MCPH1: variants seen among roughly 807,000 people sequenced by gnomAD.
MCPH1 encodes the protein microcephalin.
MCPH1 carries 104 observed loss-of-function variants against 84.5 expected under a neutral mutation model. The ratio of observed to expected loss-of-function variants is 1.23; its 90% CI spans 1.05 to 1.45. The LOEUF (loss-of-function observed/expected upper bound fraction) is 1.45. Ranked by LOEUF, MCPH1 falls within the 40% of genes most tolerant of loss-of-function variation. MCPH1 has a pLI of 0.00. For synonymous variants in MCPH1, 514 were observed against 366.8 expected, an observed-to-expected ratio of 1.40 and a Z score of -4.58; for missense variants, 1,498 against 1,005.7, an observed-to-expected ratio of 1.49 and a Z score of -6.62.
At chr8:6,438,168 A>G (rs1447674825) in intron 5 of MCPH1, among the ~76,000 whole-genome samples, 2 of 152,214 alleles carry the variant, frequency 1.3e-5, no homozygotes, top group Non-Finnish European at 2.9e-5. Flanking sequence ...GTGACAGTGT[A>G]TTTGAAAATA....
At chr8:6,577,951 G>T (rs1240625252) in intron 12 of MCPH1, among the ~76,000 whole-genome samples, 1 of 152,200 alleles carries the variant, frequency 6.6e-6, no homozygotes, top group East Asian at 1.9e-4. Flanking sequence ...GTCTGTGGGG[G>T]TAGGTCCTCT....
At chr8:6,563,941 G>A in intron 12 of MCPH1, among the ~76,000 whole-genome samples, 1 of 148,678 alleles carries the variant, frequency 6.7e-6, no homozygotes, top group African/African-American at 2.5e-5. Flanking sequence ...AGAGAAATTA[G>A]AATTTAAGTG....
At chr8:6,425,441 T>G (rs180826448) in intron 3 of MCPH1, among the ~76,000 whole-genome samples, 54 of 152,344 alleles carry the variant, frequency 3.5e-4, no homozygotes, top group African/African-American at 1.1e-3. Context: ...CCACGTGTGC[T>G]AAAGCATAGC....
chr8:6,519,541 T>G (rs1358371829), intron 12 of MCPH1, among the ~76,000 whole-genome samples: 1 of 152,222 alleles, frequency 6.6e-6, no homozygotes. Flanking sequence ...ATACTTTCTT[T>G]AAGGAAATGA....
At chr8:6,642,593 T>C in intron 13 of MCPH1, 1 of 319,704 alleles carries the variant, frequency 3.1e-6, no homozygotes, top group South Asian at 3.0e-5. Flanking sequence ...TTAAAACTCA[T>C]ATATGTATTT....
At chr8:6,491,066 A>AT (rs199652275) in intron 11 of MCPH1, among the ~76,000 whole-genome samples, 2,206 of 105,400 alleles carry the variant, frequency 0.021, 54 homozygotes, top group African/African-American at 0.058. Context: ...ATCAAAAAAA[A>AT]TTTTTTTTTT....
chr8:6,409,674 AG>A (rs1180442934), intron 2 of MCPH1, among the ~76,000 whole-genome samples: 4 of 120,538 alleles, frequency 3.3e-5, no homozygotes, highest in Non-Finnish European at 1.7e-5. Context: ...CAGGTTTCTA[AG>A]GGAAAAATTG....
chr8:6,608,130 G>C (rs1829943810), intron 12 of MCPH1, among the ~76,000 whole-genome samples: 1 of 152,184 alleles, frequency 6.6e-6, no homozygotes, highest in Non-Finnish European at 1.5e-5. Context: ...AGCAAACCAG[G>C]AAAGGCAGAC....
chr8:6,407,056 C>A (rs554959807), intron 1 of MCPH1: 2 of 343,106 alleles, frequency 5.8e-6, no homozygotes, highest in East Asian at 8.5e-5. Context: ...TGCTGCCTGT[C>A]CCCCAAATCC....
intron 12 of MCPH1, among the ~76,000 whole-genome samples, chr8:6,573,979 T>A (rs548230167): frequency 7.2e-5 from 11 of 152,318 alleles, no homozygotes; most frequent in African/African-American, 2.4e-4. Context: ...TCTGGGAGAA[T>A]GCACTTTCAT....
At chr8:6,408,469 G>T (rs946537652) in intron 1 of MCPH1, among the ~76,000 whole-genome samples, 1 of 151,834 alleles carries the variant, frequency 6.6e-6, no homozygotes, top group African/African-American at 2.4e-5. Context: ...CAATCCTCCC[G>T]CCTCCACCTT....
chr8:6,445,113 T>A lies in MCPH1; in HGVS notation c.1391T>A (p.Val464Asp), dbSNP rs768684344. Residue 464 changes from valine (V) to aspartate (D), a missense_variant, in exon 8 of 14, where the codon GTT (valine) becomes GAT (aspartate). Val to Asp is a radical substitution (Grantham distance 152). Transcript: ENST00000344683. Reference protein sequence around the residue: ...SIFEMSDFSCVGKKTRTVDIT... With the variant: ...SIFEMSDFSCDGKKTRTVDIT... ...TTTGAAATGTCTGATTTTTCCTGCG[T>A]TGGCAAAAAAACCAGAACAGTTGAC... 1.9e-6 allele frequency: 3 copies of A among 1,614,204 alleles called. No individual in the cohort carries two copies. The highest frequency in any genetic ancestry group is 1.3e-5 in the African/African-American group (1 of 75,050).
rs534963628 is a variant in MCPH1 at position 6,624,289 on chromosome 8, C to G, written c.2452+2598C>G. 9.2e-5 allele frequency among the ~76,000 whole-genome samples: 14 copies of G among 152,352 alleles called. No homozygotes were observed. The South Asian group carries it at 2.9e-3, about 32-fold the overall frequency. On this transcript the variant is annotated intron_variant, in intron 13 of 13. Transcript: ENST00000344683. ...CTTGTGTCCTGTTTCTGATTTCTCA[C>G]CAATTATGCCATCTGCCTGTGCCCT...
chr8:6,589,503 C>A (rs1338333607), intron 12 of MCPH1, among the ~76,000 whole-genome samples: 1 of 152,134 alleles, frequency 6.6e-6, no homozygotes, highest in Non-Finnish European at 1.5e-5. Context: ...TCACTTGGAG[C>A]ACCGGCATCT....
chr8:6,594,512 G>T (rs767515921), intron 12 of MCPH1, among the ~76,000 whole-genome samples: 1 of 152,244 alleles, frequency 6.6e-6, no homozygotes, highest in Non-Finnish European at 1.5e-5. Context: ...ATCATATCCA[G>T]TGAATTCTGA....
intron 3 of MCPH1, among the ~76,000 whole-genome samples, chr8:6,420,126 G>A (rs1355035476): frequency 6.6e-6 from 1 of 151,520 alleles, no homozygotes; most frequent in Admixed American, 6.6e-5. Context: ...TTTTCTCTTA[G>A]TTTCTTCTTT....
At position 6,611,001 on chromosome 8, in the gene MCPH1, C is replaced by T. The variant is rs146179377; in HGVS notation, c.2215-10453C>T. Among the ~76,000 whole-genome samples the T allele has an allele frequency of 6.4e-3, 971 of 152,248 alleles. 5 individuals carry two copies. The highest frequency in any genetic ancestry group is 0.011 in the Admixed American group (174 of 15,288). ...CTCTACTCAGATGTCTCCCAGACCC[C>T]TCTCCAGCTGCAAGCTGCAGGCAGA... On this transcript the variant is annotated intron_variant, in intron 12 of 13. Coordinates refer to ENST00000344683, the MANE Select transcript of MCPH1 (RefSeq NM_024596.5).
chr8:6,412,289 C>G (rs1424873938), intron 2 of MCPH1, among the ~76,000 whole-genome samples: 1 of 152,156 alleles, frequency 6.6e-6, no homozygotes, highest in Non-Finnish European at 1.5e-5. Flanking sequence ...TGAGGAGGAA[C>G]TACTGTGAAT....
intron 12 of MCPH1, among the ~76,000 whole-genome samples, chr8:6,538,524 T>C (rs1351806556): frequency 2.0e-5 from 3 of 152,170 alleles, no homozygotes; most frequent in Non-Finnish European, 4.4e-5. Context: ...CCCCTGATCT[T>C]GTGGGCCTCA....
Sources: allele counts gnomAD v4.1 joint callset (sites outside exome capture counted in the v4.1 genomes callset), GRCh38; gene constraint gnomAD v4.1.1; transcripts MANE v1.5; gene names NCBI Gene and HGNC (gene_info 2026-07-23, HGNC 2026-07-21).